FAM227B: variants seen among roughly 807,000 people sequenced by gnomAD.
FAM227B encodes family with sequence similarity 227 member B.
A neutral mutation model predicts 73.8 loss-of-function variants in FAM227B; 88 were observed. The ratio of observed to expected loss-of-function variants is 1.19; its 90% CI spans 1.00 to 1.42. The LOEUF (loss-of-function observed/expected upper bound fraction) is 1.42. Among genes scored for constraint, FAM227B ranks in the 40% most tolerant of loss-of-function variants. The probability of loss-of-function intolerance (pLI) is 0.00; values close to 1 mark genes in which losing one functional copy is unlikely to be tolerated. For missense variants in FAM227B, 632 were observed against 590.9 expected, an observed-to-expected ratio of 1.07 and a Z score of -0.72; for synonymous variants, 210 against 190.5, an observed-to-expected ratio of 1.10 and a Z score of -0.84.
chr15:49,610,140 T>G (rs1194091580), intron 3 of FAM227B, among the ~76,000 whole-genome samples: 1 of 152,000 alleles, frequency 6.6e-6, no homozygotes, highest in Non-Finnish European at 1.5e-5. Context: ...AATTAGAATT[T>G]TTTATTTAAA....
intron 9 of FAM227B, among the ~76,000 whole-genome samples, chr15:49,551,495 AG>A (rs2073015504): frequency 6.6e-6 from 1 of 152,136 alleles, no homozygotes; most frequent in Middle Eastern, 3.2e-3. Context: ...GTATCTTTAT[AG>A]GTGAAGTGTG....
chr15:49,596,712 G>T (rs916927386), intron 3 of FAM227B, among the ~76,000 whole-genome samples: 1 of 151,956 alleles, frequency 6.6e-6, no homozygotes, highest in African/African-American at 2.4e-5. Context: ...CCCAGTATCT[G>T]TTATCTTCAA....
In FAM227B at chr15:49,537,700, T is replaced by A. The variant is rs2070472378; in HGVS notation, c.874+3980A>T. 2.0e-5 allele frequency among the ~76,000 whole-genome samples: 3 copies of A among 152,134 alleles called. No homozygotes were observed. In the South Asian group the frequency reaches 6.2e-4, roughly 32 times the overall value. On this transcript the variant is annotated intron_variant, in intron 10 of 15. Transcript: ENST00000299338. ...CTGATTGATGAATGGATAAAAATATTTTGGTGTATGTGTAAAACAGAATAT... is the reference window on the plus strand; with the variant it reads ...CTGATTGATGAATGGATAAAAATATATTGGTGTATGTGTAAAACAGAATAT...
intron 3 of FAM227B, among the ~76,000 whole-genome samples, chr15:49,592,619 C>T (rs180690201): frequency 8.7e-4 from 132 of 152,346 alleles, no homozygotes; most frequent in Non-Finnish European, 6.2e-4. Flanking sequence ...TGGGAGGTGT[C>T]TCCCAGTTAG....
intron 10 of FAM227B, among the ~76,000 whole-genome samples, chr15:49,525,019 G>A (rs1429249829): frequency 6.6e-6 from 1 of 152,164 alleles, no homozygotes; most frequent in Non-Finnish European, 1.5e-5. Flanking sequence ...TGAGACTTTG[G>A]ATTGTGGACT....
At chr15:49,549,507 T>A (rs531466049) in intron 9 of FAM227B, among the ~76,000 whole-genome samples, 217 of 152,094 alleles carry the variant, frequency 1.4e-3, no homozygotes, top group African/African-American at 5.2e-3. Context: ...CCTGGGTACT[T>A]GAGATAAGGG....
At chr15:49,539,677 G>C (rs764262880) in intron 10 of FAM227B, among the ~76,000 whole-genome samples, 7 of 152,220 alleles carry the variant, frequency 4.6e-5, no homozygotes, top group Non-Finnish European at 8.8e-5. Flanking sequence ...ATGGGTGCAG[G>C]TGTTGCCCTA....
intron 11 of FAM227B, among the ~76,000 whole-genome samples, chr15:49,489,873 TATATATATATAGAGAG>T (rs1405275073): frequency 3.8e-4 from 6 of 15,880 alleles, no homozygotes; most frequent in African/African-American, 5.8e-4. Flanking sequence ...TATATATATA[TATATATATATAGAGAG>T]AGAGAGAGAG....
Position 49,550,135 on chromosome 15 carries a change from C to T in FAM227B, c.748-8329G>A, listed in dbSNP as rs548593793. On this transcript the variant is annotated intron_variant, in intron 9 of 15. Transcript: ENST00000299338. ...CTGACCCCCCCACCTCCCTCCCGGA[C>T]GGGGCGGCTGGCCGGGCAGGGGGCT... Among the ~76,000 whole-genome samples the T allele has an allele frequency of 3.8e-3, 536 of 140,086 alleles. 2 individuals are homozygous for T. Among genetic ancestry groups the T allele is most frequent in the Middle Eastern group, 0.016 (4 of 252 alleles). 91.9% of individuals were successfully genotyped at this position (140,086 alleles called of 152,430 possible).
At chr15:49,423,257 C>T (rs2049844262) in intron 11 of FAM227B, 1 of 152,306 alleles carries the variant, frequency 6.6e-6, no homozygotes, top group Non-Finnish European at 1.5e-5. Context: ...CACACACAAG[C>T]ACACACGCGC....
At chr15:49,390,730 T>C (rs1228426450) in intron 11 of FAM227B, among the ~76,000 whole-genome samples, 1 of 152,116 alleles carries the variant, frequency 6.6e-6, no homozygotes, top group Non-Finnish European at 1.5e-5. Context: ...TACAGCTATG[T>C]AAAATAAACC....
chr15:49,479,248 T>G, intron 11 of FAM227B, among the ~76,000 whole-genome samples: 1 of 152,084 alleles, frequency 6.6e-6, no homozygotes, highest in Non-Finnish European at 1.5e-5. Flanking sequence ...GCTGATTCTC[T>G]CTCTCTTTTA....
intron 11 of FAM227B, among the ~76,000 whole-genome samples, chr15:49,454,960 A>G (rs2053140481): frequency 6.6e-6 from 1 of 152,130 alleles, no homozygotes; most frequent in East Asian, 1.9e-4. Context: ...ACCATGTTCC[A>G]TTAGCCAATT....
At chr15:49,570,294 T>A (rs1939585876) in intron 8 of FAM227B, among the ~76,000 whole-genome samples, 5 of 151,940 alleles carry the variant, frequency 3.3e-5, no homozygotes, top group Admixed American at 3.3e-4. Flanking sequence ...AAACTTGTTA[T>A]CTTTCATCTT....
At chr15:49,465,340 G>A (rs1486474917) in intron 11 of FAM227B, among the ~76,000 whole-genome samples, 1 of 146,840 alleles carries the variant, frequency 6.8e-6, no homozygotes, top group African/African-American at 2.5e-5. Context: ...GTTTCACCAT[G>A]TTGGCCAGGC....
chr15:49,367,480 G>A lies in FAM227B; in HGVS notation c.1239C>T (p.Thr413=), dbSNP rs759818247. The change falls in exon 13 of 16, where the codon ACC becomes ACT. Residue 413 remains threonine, a synonymous_variant. Coordinates refer to ENST00000299338, the MANE Select transcript of FAM227B (RefSeq NM_152647.3). ...GGAATATCTTAGTGAGTTTAATCTT[G>A]GTTTTCTTAGGTGCTTTGGAAATAC... ...LAGISKAPKK[T]KIKLTKIFQE... 1.3e-6 allele frequency: 2 copies of A among 1,598,414 alleles called. No individual in the cohort carries two copies. Among genetic ancestry groups the A allele is most frequent in the East Asian group, 2.3e-5 (1 of 44,364 alleles).
chr15:49,356,206 C>A (rs994094140), intron 13 of FAM227B, among the ~76,000 whole-genome samples: 1 of 151,746 alleles, frequency 6.6e-6, no homozygotes, highest in Non-Finnish European at 1.5e-5. Context: ...AACCAGCTAA[C>A]ATCATAATGA....
intron 13 of FAM227B, 116 bp from the exon 14 acceptor site, chr15:49,335,612 G>A (rs1442772759): frequency 4.6e-6 from 3 of 646,816 alleles, no homozygotes; most frequent in Non-Finnish European, 8.2e-6. Context: ...GTAATGAAGA[G>A]TCTCAAGTAT....
In FAM227B at chr15:49,523,807, A is replaced by G. The variant is rs2059953205; in HGVS notation, c.875-15459T>C. 2.0e-5 allele frequency among the ~76,000 whole-genome samples: 3 copies of G among 152,170 alleles called. No homozygotes were observed. The South Asian group carries it at 6.2e-4, about 32-fold the overall frequency. ...AAGTGGTCTCAGATGGAGATGAAGA[A>G]CTTGTTGGAAACTGGAGCAAAGGTG... On this transcript the variant is annotated intron_variant, in intron 10 of 15. Coordinates refer to ENST00000299338, the MANE Select transcript of FAM227B (RefSeq NM_152647.3).
Sources: allele counts gnomAD v4.1 joint callset (sites outside exome capture counted in the v4.1 genomes callset), GRCh38; gene constraint gnomAD v4.1.1; transcripts MANE v1.5; gene names NCBI Gene and HGNC (gene_info 2026-07-23, HGNC 2026-07-21).